ATRNL1: variants seen among roughly 807,000 people sequenced by gnomAD.
The protein encoded by ATRNL1 is attractin like 1.
ATRNL1 carries 95 observed loss-of-function variants against 182.7 expected under a neutral mutation model. The ratio of observed to expected loss-of-function variants is 0.52; its 90% CI spans 0.44 to 0.62. The LOEUF is 0.62. Ranked by LOEUF, ATRNL1 falls within the 20% of genes least tolerant of loss-of-function variation. ATRNL1 has a pLI of 0.00. For synonymous variants in ATRNL1, 576 were observed against 568.3 expected (o/e 1.01, Z -0.19); for missense variants, 1,471 against 1,679.5 (o/e 0.88, Z 2.17).
At chr10:115,577,733 A>T (rs927440388) in intron 26 of ATRNL1, among the ~76,000 whole-genome samples, 1 of 150,950 alleles carries the variant, frequency 6.6e-6, no homozygotes, top group Non-Finnish European at 1.5e-5. Context: ...CAATTTTGAT[A>T]CCTTTAATTT....
intron 10 of ATRNL1, 39 bp from the exon 11 acceptor site, chr10:115,265,154 T>C: frequency 1.5e-6 from 2 of 1,312,558 alleles, no homozygotes; most frequent in South Asian, 2.4e-5. Flanking sequence ...AGTTTATTCT[T>C]TTATTTCATT....
intron 26 of ATRNL1, among the ~76,000 whole-genome samples, chr10:115,640,994 A>G (rs367672426): frequency 1.3e-5 from 2 of 152,268 alleles, no homozygotes; most frequent in East Asian, 3.9e-4. Context: ...GCATATGGCT[A>G]GCCAGTTTTC....
chr10:115,948,661 C>G lies in ATRNL1; in HGVS notation c.*3882C>G, dbSNP rs782357497. ...GGTCAAAGTGCTGCCTTTAATCGAC[C>G]ATTAGAGGGAGTTCTCTAAATAACA... is the stretch of plus-strand genomic sequence containing the variant. On this transcript the variant is annotated 3_prime_UTR_variant, in exon 29 of 29. Coordinates refer to ENST00000355044, the MANE Select transcript of ATRNL1 (RefSeq NM_207303.4). 4.6e-5 allele frequency: 7 copies of G among 152,162 alleles called. No individual in the cohort carries two copies. Among genetic ancestry groups the G allele is most frequent in the Non-Finnish European group, 1.0e-4 (7 of 68,036 alleles). The allele number at this position is 152,162 out of a possible 1,614,324, so 9.4% of individuals were successfully genotyped here.
At chr10:115,574,090 C>T (rs1555004344) in intron 26 of ATRNL1, among the ~76,000 whole-genome samples, 1 of 151,958 alleles carries the variant, frequency 6.6e-6, no homozygotes, top group Admixed American at 6.6e-5. Context: ...AATCATGATT[C>T]TGTTTGTCTT....
chr10:115,538,872 A>T lies in ATRNL1; in HGVS notation c.3717-10586A>T, dbSNP rs368384892. On this transcript the variant is annotated intron_variant, in intron 25 of 28. Coordinates refer to ENST00000355044, the MANE Select transcript of ATRNL1 (RefSeq NM_207303.4). ...GACCACATATATGATGGTACTTATA[A>T]GATTATATTACTATATGTTTACTGT... Among the ~76,000 whole-genome samples, 21 of 152,338 alleles carry T rather than the reference A, an allele frequency of 1.4e-4. No homozygotes were observed. The East Asian group carries it at 3.9e-3, about 28-fold the overall frequency.
chr10:115,873,995 A>C lies in ATRNL1; in HGVS notation c.4018+26004A>C, dbSNP rs782629446. On this transcript the variant is annotated intron_variant, in intron 28 of 28. Transcript: ENST00000355044. ...TGTACTAGGAATTACTCAAGACAGA[A>C]GGTCTGAGAGGATCAAAATTGGTAT... Among the ~76,000 whole-genome samples the C allele has an allele frequency of 2.4e-4, 36 of 152,232 alleles. 1 individual carries two copies. Among genetic ancestry groups the C allele is most frequent in the African/African-American group, 6.8e-4 (28 of 41,464 alleles).
chr10:115,696,308 T>C (rs1229276754), intron 26 of ATRNL1, among the ~76,000 whole-genome samples: 4 of 152,126 alleles, frequency 2.6e-5, no homozygotes, highest in Admixed American at 2.0e-4. Flanking sequence ...GTCTTTATAA[T>C]GGAATGATTT....
chr10:115,478,045 G>A (rs1267576604), intron 24 of ATRNL1, among the ~76,000 whole-genome samples: 3 of 151,684 alleles, frequency 2.0e-5, no homozygotes, highest in South Asian at 4.1e-4. Context: ...AATTACAAGT[G>A]ATAGGATTGA....
chr10:115,813,937 A>C (rs1768286496), intron 27 of ATRNL1, among the ~76,000 whole-genome samples: 1 of 152,154 alleles, frequency 6.6e-6, no homozygotes, highest in Non-Finnish European at 1.5e-5. Flanking sequence ...AACCAAGTAC[A>C]CTCTGAAAAG....
chr10:115,687,005 T>G (rs1555046510), intron 26 of ATRNL1, among the ~76,000 whole-genome samples: 1 of 152,036 alleles, frequency 6.6e-6, no homozygotes, highest in African/African-American at 2.4e-5. Flanking sequence ...CCTCCAGAAA[T>G]TTCCTTCCAC....
intron 19 of ATRNL1, among the ~76,000 whole-genome samples, chr10:115,369,816 C>G (rs1857293625): frequency 6.6e-6 from 1 of 152,160 alleles, no homozygotes; most frequent in South Asian, 2.1e-4. Flanking sequence ...TTGCTATTCC[C>G]TGATGATAAA....
chr10:115,769,301 G>A (rs1760613098), intron 27 of ATRNL1, among the ~76,000 whole-genome samples: 1 of 152,094 alleles, frequency 6.6e-6, no homozygotes, highest in Non-Finnish European at 1.5e-5. Flanking sequence ...TAAAGAAAAA[G>A]TGTTGCTAAA....
intron 21 of ATRNL1, among the ~76,000 whole-genome samples, chr10:115,447,251 A>T (rs1847045898): frequency 6.6e-6 from 1 of 151,826 alleles, no homozygotes; most frequent in African/African-American, 2.4e-5. Flanking sequence ...CCAAGCTTTA[A>T]TAAAGCTTAA....
chr10:115,763,627 G>C (rs1555074228), intron 27 of ATRNL1, among the ~76,000 whole-genome samples: 2 of 152,074 alleles, frequency 1.3e-5, no homozygotes, highest in African/African-American at 4.8e-5. Flanking sequence ...TGTAGACAGT[G>C]GGGGACTGGA....
intron 22 of ATRNL1, among the ~76,000 whole-genome samples, chr10:115,464,173 G>A (rs991692312): frequency 6.6e-6 from 1 of 151,810 alleles, no homozygotes; most frequent in Non-Finnish European, 1.5e-5. Flanking sequence ...GAGAGGCATC[G>A]CTAAGAATTC....
intron 26 of ATRNL1, among the ~76,000 whole-genome samples, chr10:115,641,643 T>G (rs146238484): frequency 6.6e-6 from 1 of 152,198 alleles, no homozygotes; most frequent in Non-Finnish European, 1.5e-5. Flanking sequence ...TTCATTTAAC[T>G]ATTTACATAA....
intron 26 of ATRNL1, among the ~76,000 whole-genome samples, chr10:115,680,617 G>A (rs1302473460): frequency 6.6e-6 from 1 of 152,100 alleles, no homozygotes; most frequent in Non-Finnish European, 1.5e-5. Context: ...TAGTTCCAGA[G>A]CTATTAGAAA....
At chr10:115,732,647 G>A (rs1296853828) in intron 27 of ATRNL1, among the ~76,000 whole-genome samples, 1 of 151,960 alleles carries the variant, frequency 6.6e-6, no homozygotes, top group Non-Finnish European at 1.5e-5. Flanking sequence ...GAGAGCTTCA[G>A]ACCTATGCTG....
In ATRNL1 at chr10:115,396,878, T is replaced by A. The variant is rs1416804800; in HGVS notation, c.3269+2126T>A. ...TAAAATAGAGTTATAAGATTTGGCA[T>A]ATGTGCAAAATATTAGAAAATCAAT... On this transcript the variant is annotated intron_variant, in intron 20 of 28. Transcript: ENST00000355044. 5.9e-5 allele frequency among the ~76,000 whole-genome samples: 9 copies of A among 152,062 alleles called. No homozygotes were observed. In the East Asian group the frequency reaches 1.7e-3, roughly 29 times the overall value.
Sources: gnomAD v4.1 joint callset for allele counts (sites outside exome capture counted in the v4.1 genomes callset) on GRCh38, gnomAD v4.1.1 for gene constraint, MANE v1.5 for transcripts, NCBI Gene and HGNC (gene_info 2026-07-23, HGNC 2026-07-21) for gene names.